The following COL25A1 variants were observed in gnomAD, a reference collection of about 807,000 sequenced individuals.
The protein encoded by COL25A1 is collagen alpha-1(XXV) chain.
A neutral mutation model predicts 128.4 loss-of-function variants in COL25A1; 103 were observed. That is an observed-to-expected ratio of 0.80 (90% CI 0.68 to 0.94). COL25A1 has a LOEUF of 0.94. Among genes scored for constraint, COL25A1 ranks in the 40% least tolerant of loss-of-function variants. The pLI, the probability that COL25A1 is intolerant of heterozygous loss-of-function variation, is 0.00. For synonymous variants in COL25A1, 279 were observed against 277.2 expected, an observed-to-expected ratio of 1.01 and a Z score of -0.06; for missense variants, 745 against 840.0, an observed-to-expected ratio of 0.89 and a Z score of 1.40.
chr4:109,137,567 C>G (rs1769915407), intron 3 of COL25A1, among the ~76,000 whole-genome samples: 1 of 152,170 alleles, frequency 6.6e-6, no homozygotes, highest in South Asian at 2.1e-4. Flanking sequence ...AGTCTGGTGT[C>G]CTTCCCATCC....
At chr4:108,987,628 C>G (rs994404493) in intron 6 of COL25A1, among the ~76,000 whole-genome samples, 2 of 152,284 alleles carry the variant, frequency 1.3e-5, no homozygotes, top group East Asian at 1.9e-4. Context: ...CCCGCCTCTG[C>G]GTCCCAAAGT....
rs188529975 is a variant in COL25A1, at chr4:109,117,809, T to C, written c.368-67630A>G. On this transcript the variant is annotated intron_variant, in intron 3 of 37. Coordinates refer to ENST00000399132, the MANE Select transcript of COL25A1 (RefSeq NM_198721.4). ...TTTTGATATTATAAGTTATTTGCACTATCTGTGAAGTGGTGTAGTGTATTT... is the reference window on the plus strand; with the variant it reads ...TTTTGATATTATAAGTTATTTGCACCATCTGTGAAGTGGTGTAGTGTATTT... Among the ~76,000 whole-genome samples, 252 of 152,074 alleles carry C rather than the reference T, an allele frequency of 1.7e-3. 1 individual carries two copies. Among genetic ancestry groups the C allele is most frequent in the Non-Finnish European group, 9.7e-4 (66 of 67,884 alleles).
chr4:108,889,589 A>G, intron 17 of COL25A1, 112 bp downstream of exon 17: 1 of 903,364 alleles, frequency 1.1e-6, no homozygotes, highest in Admixed American at 2.2e-5. Context: ...TTGTAGGAGA[A>G]TAAGAACAGA....
chr4:109,300,250 C>A (rs1470529574), intron 3 of COL25A1, among the ~76,000 whole-genome samples: 1 of 151,254 alleles, frequency 6.6e-6, no homozygotes, highest in African/African-American at 2.4e-5. Flanking sequence ...AACAGTTCTA[C>A]AGTCCTTTTC....
chr4:108,853,789 A>G (rs1267345430), intron 24 of COL25A1, among the ~76,000 whole-genome samples: 1 of 151,536 alleles, frequency 6.6e-6, no homozygotes, highest in African/African-American at 2.4e-5. Flanking sequence ...TTCCTGGGTT[A>G]GTTTGCTGAG....
Position 109,302,431 on chromosome 4 carries a change from C to G in COL25A1, c.-319G>C, listed in dbSNP as rs1473562293. On this transcript the variant is annotated 5_prime_UTR_variant, in exon 1 of 38. Transcript: ENST00000399132. ...GCGGCTCGCCCTGGCCACGGAGGAC[C>G]GGACCTGTTGCGCCTCTGTGAGTTT... 3 of 200,004 alleles carry G rather than the reference C, an allele frequency of 1.5e-5. No homozygotes were observed. The highest frequency in any genetic ancestry group is 7.0e-5 in the African/African-American group (3 of 43,144). 12.4% of individuals were successfully genotyped at this position (200,004 alleles called of 1,614,324 possible).
chr4:108,929,994 C>T (rs150701384), intron 11 of COL25A1, among the ~76,000 whole-genome samples: 2 of 152,224 alleles, frequency 1.3e-5, no homozygotes, highest in African/African-American at 2.4e-5. Context: ...AATTGATTAA[C>T]TCATATCACT....
chr4:109,083,447 A>ATTT lies in COL25A1; in HGVS notation c.368-33269_368-33268insAAA, dbSNP rs1560659110. 8.8e-5 allele frequency among the ~76,000 whole-genome samples: 11 copies of ATTT among 124,372 alleles called. 1 individual carries two copies. Among genetic ancestry groups the ATTT allele is most frequent in the Admixed American group, 3.8e-4 (4 of 10,480 alleles). 81.6% of individuals were successfully genotyped at this position (124,372 alleles called of 152,430 possible). On this transcript the variant is annotated intron_variant, in intron 3 of 37. Coordinates refer to ENST00000399132, the MANE Select transcript of COL25A1 (RefSeq NM_198721.4). ...ACACCAATAACTTTTACACTAAATA[A>ATTT]ATTTTTTTTTTTTTTTTTTTTTTTT...
At position 108,859,697 on chromosome 4, in the gene COL25A1, C is replaced by G; in HGVS notation, c.1279G>C (p.Glu427Gln). ...PGQKGDQGATEIIDYNGNLHE... is the reference protein window; with the variant it reads ...PGQKGDQGATQIIDYNGNLHE... ...AGGTTGCCGTTGTAGTCTATGATCT[C>G]AGTGGCTCCTTGATCCCCTTTTTGA... Residue 427 changes from glutamate (E) to glutamine (Q), a missense_variant, in exon 24 of 38, where the codon GAG (glutamate) becomes CAG (glutamine). Physicochemically the swap from Glu to Gln is conservative, Grantham distance 29. This residue lies in a region of COL25A1 where 387 missense variants were observed against 441.9 expected (regional missense o/e 0.88). Coordinates refer to ENST00000399132, the MANE Select transcript of COL25A1 (RefSeq NM_198721.4). The G allele has an allele frequency of 6.2e-7, 1 of 1,613,908 alleles. No individual in the cohort carries two copies. The highest frequency in any genetic ancestry group is 1.1e-5 in the South Asian group (1 of 91,070).
At chr4:109,095,535 C>A (rs944107011) in intron 3 of COL25A1, among the ~76,000 whole-genome samples, 2 of 152,082 alleles carry the variant, frequency 1.3e-5, no homozygotes, top group Non-Finnish European at 2.9e-5. Context: ...GTGTGCAGCC[C>A]ACATGCAGCC....
chr4:109,030,533 C>A (rs544369158), intron 5 of COL25A1, among the ~76,000 whole-genome samples: 1 of 152,276 alleles, frequency 6.6e-6, no homozygotes, highest in Admixed American at 6.5e-5. Context: ...AGAATTATAT[C>A]TGTGAAAGAC....
chr4:108,928,526 GTATT>G (rs1408690930), intron 11 of COL25A1, among the ~76,000 whole-genome samples: 3 of 151,722 alleles, frequency 2.0e-5, no homozygotes, highest in African/African-American at 7.3e-5. Flanking sequence ...ATTTATTTAT[GTATT>G]TATTTATGTA....
At chr4:109,051,190 G>A (rs1701167764) in intron 3 of COL25A1, among the ~76,000 whole-genome samples, 1 of 152,108 alleles carries the variant, frequency 6.6e-6, no homozygotes, top group African/African-American at 2.4e-5. Flanking sequence ...CCAAACTTTA[G>A]AAAGTTCAAG....
At chr4:109,137,984 ATGTGTGTG>A (rs10700157) in intron 3 of COL25A1, among the ~76,000 whole-genome samples, 1 of 142,490 alleles carries the variant, frequency 7.0e-6, no homozygotes, top group Non-Finnish European at 1.5e-5. Flanking sequence ...TTATATATAT[ATGTGTGTG>A]TGTGTGTGTG....
chr4:108,848,274 C>G (rs1735341156), intron 27 of COL25A1, among the ~76,000 whole-genome samples: 2 of 152,220 alleles, frequency 1.3e-5, no homozygotes, highest in African/African-American at 4.8e-5. Flanking sequence ...CAGAGATACA[C>G]TACCATACTC....
At chr4:108,981,328 C>T (rs889860825) in intron 6 of COL25A1, among the ~76,000 whole-genome samples, 2 of 152,190 alleles carry the variant, frequency 1.3e-5, no homozygotes, top group African/African-American at 2.4e-5. Context: ...TACTGGCACA[C>T]ATTTTTTAGA....
At chr4:108,954,240 A>T (rs1454270432) in intron 8 of COL25A1, among the ~76,000 whole-genome samples, 1 of 152,092 alleles carries the variant, frequency 6.6e-6, no homozygotes, top group Non-Finnish European at 1.5e-5. Flanking sequence ...ATTAAATCTA[A>T]ACTTTAGAAT....
chr4:108,841,603 A>G, intron 31 of COL25A1, 92 bp downstream of exon 31: 1 of 1,047,666 alleles, frequency 9.5e-7, no homozygotes, highest in Non-Finnish European at 1.5e-6. Context: ...TACTTGACAA[A>G]TAAATAAGAT....
chr4:109,098,435 A>T (rs1360439733), intron 3 of COL25A1, among the ~76,000 whole-genome samples: 2 of 152,236 alleles, frequency 1.3e-5, no homozygotes, highest in Non-Finnish European at 2.9e-5. Context: ...CCCATAATCC[A>T]TGTAGATGTA....
Sources: allele counts gnomAD v4.1 joint callset (sites outside exome capture counted in the v4.1 genomes callset), GRCh38; gene constraint gnomAD v4.1.1; regional missense constraint gnomAD v4.1.1; transcripts MANE v1.5; gene names NCBI Gene and HGNC (gene_info 2026-07-23, HGNC 2026-07-21).